The following ZNF385D variants were observed in gnomAD, a reference collection of about 807,000 sequenced individuals.
ZNF385D encodes the protein zinc finger protein 385D, also known as zinc finger protein 659.
ZNF385D carries 15 observed loss-of-function variants against 35.8 expected under a neutral mutation model. The ratio of observed to expected loss-of-function variants is 0.42; its 90% CI spans 0.28 to 0.64. ZNF385D has a LOEUF of 0.64. Ranked by LOEUF, ZNF385D falls within the 30% of genes least tolerant of loss-of-function variation. ZNF385D has a pLI of 0.23. For missense variants in ZNF385D, 474 were observed against 494.6 expected, an observed-to-expected ratio of 0.96 and a Z score of 0.39; for synonymous variants, 212 against 186.8, an observed-to-expected ratio of 1.13 and a Z score of -1.10.
intron 3 of ZNF385D, among the ~76,000 whole-genome samples, chr3:22,138,039 C>G (rs1166809753): frequency 6.6e-6 from 1 of 151,998 alleles, no homozygotes; most frequent in Admixed American, 6.6e-5. Context: ...GACAGAGAGC[C>G]AAATCATGAG....
intron 2 of ZNF385D, among the ~76,000 whole-genome samples, chr3:22,368,341 T>C (rs982831916): frequency 6.6e-6 from 1 of 152,162 alleles, no homozygotes; most frequent in African/African-American, 2.4e-5. Context: ...CTGAATATGA[T>C]TGAAACCACA....
intron 2 of ZNF385D, among the ~76,000 whole-genome samples, chr3:22,195,145 T>G (rs528560682): frequency 6.6e-6 from 1 of 152,092 alleles, no homozygotes; most frequent in African/African-American, 2.4e-5. Flanking sequence ...TCATAAGTAC[T>G]TTTTAAAGTT....
chr3:21,819,828 A>G (rs2073325578), intron 3 of ZNF385D, among the ~76,000 whole-genome samples: 2 of 147,830 alleles, frequency 1.4e-5, no homozygotes, highest in South Asian at 4.2e-4. Flanking sequence ...TAAATATGAT[A>G]CAAATATAAT....
In ZNF385D at chr3:21,931,890, G is replaced by A. The variant is rs139183121; in HGVS notation, c.325+236927C>T. ...AGAAGTGTGACTTGAGGCCGGGCGC[G>A]GTGGCTCACACCTGTAATCCCAGCA... On this transcript the variant is annotated intron_variant, in intron 3 of 5. Transcript: ENST00000494108. Among the ~76,000 whole-genome samples, 343 of 152,024 alleles carry A rather than the reference G, an allele frequency of 2.3e-3. 2 individuals are homozygous for A. Among genetic ancestry groups the A allele is most frequent in the African/African-American group, 7.8e-3 (322 of 41,482 alleles).
At chr3:22,280,686 A>C (rs1701692057) in intron 2 of ZNF385D, among the ~76,000 whole-genome samples, 1 of 152,102 alleles carries the variant, frequency 6.6e-6, no homozygotes, top group Non-Finnish European at 1.5e-5. Flanking sequence ...TATAGTTTGA[A>C]GTCGGGTAAT....
intron 2 of ZNF385D, among the ~76,000 whole-genome samples, chr3:21,604,243 CAG>C (rs1280709489): frequency 4.0e-5 from 6 of 151,684 alleles, no homozygotes; most frequent in South Asian, 2.1e-4. Flanking sequence ...ATGTTTTTAA[CAG>C]AGAGTCTGCT....
At chr3:21,427,434 T>C (rs887895698) in intron 5 of ZNF385D, among the ~76,000 whole-genome samples, 3 of 152,166 alleles carry the variant, frequency 2.0e-5, no homozygotes, top group African/African-American at 7.2e-5. Flanking sequence ...TCATCTGTGA[T>C]TGGTAGCTGG....
At chr3:21,903,442 T>C (rs1024545185) in intron 3 of ZNF385D, among the ~76,000 whole-genome samples, 16 of 152,036 alleles carry the variant, frequency 1.1e-4, no homozygotes, top group African/African-American at 7.3e-5. Context: ...ATCTTCGGAG[T>C]CTCTGAGGCT....
intron 3 of ZNF385D, among the ~76,000 whole-genome samples, chr3:21,841,915 T>C (rs1004450295): frequency 6.6e-6 from 1 of 151,634 alleles, no homozygotes; most frequent in African/African-American, 2.4e-5. Context: ...CATACATATA[T>C]GTATATATAC....
intron 5 of ZNF385D, among the ~76,000 whole-genome samples, chr3:21,430,638 T>C (rs374910867): frequency 5.3e-5 from 8 of 152,134 alleles, no homozygotes; most frequent in African/African-American, 1.9e-4. Flanking sequence ...TTATCCATAA[T>C]GCCCTGAAAG....
intron 3 of ZNF385D, among the ~76,000 whole-genome samples, chr3:21,843,188 G>C (rs1268576669): frequency 6.6e-6 from 1 of 152,018 alleles, no homozygotes; most frequent in East Asian, 1.9e-4. Context: ...GGCTCTCTGA[G>C]CAGTTAGAAG....
At chr3:22,096,123 A>T (rs1181665093) in intron 3 of ZNF385D, among the ~76,000 whole-genome samples, 1 of 148,008 alleles carries the variant, frequency 6.8e-6, no homozygotes, top group Non-Finnish European at 1.5e-5. Context: ...TATAAGGTAA[A>T]AAAAATATAT....
intron 3 of ZNF385D, among the ~76,000 whole-genome samples, chr3:21,838,568 C>T (rs2630795): frequency 6.6e-6 from 1 of 151,828 alleles, no homozygotes. Context: ...AAAACAATAG[C>T]GGCTTTGAGT....
chr3:21,839,230 T>A (rs1225759305), intron 3 of ZNF385D, among the ~76,000 whole-genome samples: 1 of 152,052 alleles, frequency 6.6e-6, no homozygotes, highest in Non-Finnish European at 1.5e-5. Context: ...TTTTTTAGTA[T>A]CATCACATAA....
intron 2 of ZNF385D, among the ~76,000 whole-genome samples, chr3:22,216,891 G>A (rs1459651269): frequency 1.3e-5 from 2 of 152,046 alleles, no homozygotes. Flanking sequence ...GCCTTTTGTG[G>A]CCAATTTGAA....
intron 3 of ZNF385D, among the ~76,000 whole-genome samples, chr3:22,094,410 A>ATATATATCAACAATAT (rs1386186822): frequency 2.4e-5 from 2 of 83,468 alleles, no homozygotes; most frequent in African/African-American, 4.0e-5. Context: ...ATATATATAT[A>ATATATATCAACAATAT]AAGGCATTTG....
intron 2 of ZNF385D, among the ~76,000 whole-genome samples, chr3:21,650,727 T>TGAAGTTA (rs1339099627): frequency 6.6e-6 from 1 of 152,116 alleles, no homozygotes; most frequent in Non-Finnish European, 1.5e-5. Context: ...CACTTTCTAA[T>TGAAGTTA]GAAGTTAGAA....
chr3:21,657,177 T>C (rs1008942063), intron 2 of ZNF385D, among the ~76,000 whole-genome samples: 1 of 151,942 alleles, frequency 6.6e-6, no homozygotes, highest in Non-Finnish European at 1.5e-5. Flanking sequence ...ATTTACCACA[T>C]TGCTTGCCAC....
At chr3:21,815,251 A>G (rs566527137) in intron 3 of ZNF385D, among the ~76,000 whole-genome samples, 1 of 152,322 alleles carries the variant, frequency 6.6e-6, no homozygotes, top group South Asian at 2.1e-4. Flanking sequence ...TAAAATTGAC[A>G]CCCTAACATC....
Sources: allele counts gnomAD v4.1 joint callset (sites outside exome capture counted in the v4.1 genomes callset), GRCh38; gene constraint gnomAD v4.1.1; transcripts MANE v1.5; gene names NCBI Gene and HGNC (gene_info 2026-07-23, HGNC 2026-07-21).